Variants in AGBL4 observed in about 807,000 individuals in gnomAD.
AGBL4 encodes the protein cytosolic carboxypeptidase 6.
A neutral mutation model predicts 66.4 loss-of-function variants in AGBL4; 58 were observed. That is an observed-to-expected ratio of 0.87 (90% CI 0.71 to 1.09). The LOEUF (loss-of-function observed/expected upper bound fraction) is 1.09. Ranked by LOEUF, AGBL4 falls within the 50% of genes least tolerant of loss-of-function variation. The pLI is 0.00. For missense variants in AGBL4, 579 were observed against 631.0 expected (o/e 0.92, Z 0.88); for synonymous variants, 234 against 222.9 (o/e 1.05, Z -0.44).
intron 9 of AGBL4, among the ~76,000 whole-genome samples, chr1:48,623,788 C>T (rs569276425): frequency 1.4e-4 from 21 of 152,136 alleles, no homozygotes; most frequent in East Asian, 5.8e-4. Context: ...CCTGCTCAGA[C>T]GGGGGCATGG....
chr1:48,739,870 C>G (rs560650765), intron 6 of AGBL4, among the ~76,000 whole-genome samples: 3 of 152,318 alleles, frequency 2.0e-5, no homozygotes, highest in Non-Finnish European at 4.4e-5. Context: ...AGGAAACACT[C>G]CTTAATTACT....
At chr1:48,917,627 T>G (rs551050945) in intron 5 of AGBL4, among the ~76,000 whole-genome samples, 147 of 152,208 alleles carry the variant, frequency 9.7e-4, no homozygotes, top group Non-Finnish European at 1.4e-3. Context: ...CTTAAGTGCC[T>G]CAAACTGACA....
intron 4 of AGBL4, among the ~76,000 whole-genome samples, chr1:49,083,325 T>C (rs940919862): frequency 6.6e-6 from 1 of 152,242 alleles, no homozygotes; most frequent in African/African-American, 2.4e-5. Flanking sequence ...ATGAGGGTCC[T>C]GCCCCTGCAG....
chr1:48,603,830 G>A (rs556597929), intron 9 of AGBL4, among the ~76,000 whole-genome samples: 2 of 152,272 alleles, frequency 1.3e-5, no homozygotes, highest in South Asian at 2.1e-4. Context: ...CTAGGACTGA[G>A]CGCGGTAGCT....
At chr1:48,810,386 A>C (rs1170286664) in intron 6 of AGBL4, among the ~76,000 whole-genome samples, 1 of 152,328 alleles carries the variant, frequency 6.6e-6, no homozygotes, top group East Asian at 1.9e-4. Flanking sequence ...TGCCTGATTG[A>C]TGTGGATAAG....
chr1:49,922,507 T>C (rs2148243361), intron 1 of AGBL4, among the ~76,000 whole-genome samples: 1 of 152,244 alleles, frequency 6.6e-6, no homozygotes, highest in Middle Eastern at 3.4e-3. Flanking sequence ...AGAGAGGAAG[T>C]CAAAGTATCC....
At chr1:48,837,565 T>A (rs1376647178) in intron 6 of AGBL4, among the ~76,000 whole-genome samples, 1 of 151,434 alleles carries the variant, frequency 6.6e-6, no homozygotes, top group Non-Finnish European at 1.5e-5. Flanking sequence ...GAACTCCAAG[T>A]TCTTCAGCTT....
At chr1:48,579,927 A>G (rs1644713841) in intron 11 of AGBL4, among the ~76,000 whole-genome samples, 1 of 151,670 alleles carries the variant, frequency 6.6e-6, no homozygotes, top group Non-Finnish European at 1.5e-5. Flanking sequence ...AAAAAAAAAA[A>G]AAAAAAAAAA....
chr1:49,217,097 T>C (rs1649154577), intron 4 of AGBL4, among the ~76,000 whole-genome samples: 3 of 151,992 alleles, frequency 2.0e-5, no homozygotes. Context: ...GACAAGAACC[T>C]TCAATTTCTC....
At chr1:49,197,974 G>A (rs1362473897) in intron 4 of AGBL4, among the ~76,000 whole-genome samples, 1 of 152,136 alleles carries the variant, frequency 6.6e-6, no homozygotes, top group Admixed American at 6.5e-5. Context: ...AGCTTGTTAT[G>A]AGCTGAGATT....
intron 7 of AGBL4, among the ~76,000 whole-genome samples, chr1:48,654,092 C>G (rs187823618): frequency 6.6e-6 from 1 of 152,174 alleles, no homozygotes; most frequent in African/African-American, 2.4e-5. Context: ...AATCACCCTG[C>G]CTTCCGGTCA....
intron 5 of AGBL4, among the ~76,000 whole-genome samples, chr1:48,978,124 T>C (rs1385094988): frequency 2.6e-5 from 4 of 151,992 alleles, no homozygotes; most frequent in East Asian, 1.9e-4. Flanking sequence ...TTGCATCTTA[T>C]AAGGTGAAAA....
intron 3 of AGBL4, among the ~76,000 whole-genome samples, chr1:49,676,616 C>T (rs2124545215): frequency 6.6e-6 from 1 of 152,096 alleles, no homozygotes; most frequent in East Asian, 1.9e-4. Context: ...TAACTGACTA[C>T]CATTAAGAAT....
chr1:49,965,939 A>ATTTT (rs1166636337), intron 1 of AGBL4, among the ~76,000 whole-genome samples: 3 of 136,528 alleles, frequency 2.2e-5, no homozygotes, highest in South Asian at 2.3e-4. Context: ...TATTACAATG[A>ATTTT]TTTTTTTTTT....
At chr1:49,797,043 G>A (rs1460778115) in intron 2 of AGBL4, among the ~76,000 whole-genome samples, 1 of 152,080 alleles carries the variant, frequency 6.6e-6, no homozygotes, top group Non-Finnish European at 1.5e-5. Context: ...TAAGAAATAG[G>A]AGGATTATAT....
At chr1:48,968,937 A>G (rs1658673281) in intron 5 of AGBL4, among the ~76,000 whole-genome samples, 1 of 152,208 alleles carries the variant, frequency 6.6e-6, no homozygotes, top group Non-Finnish European at 1.5e-5. Context: ...TGTTTGGACT[A>G]GAAATCCAAA....
intron 9 of AGBL4, among the ~76,000 whole-genome samples, chr1:48,591,691 T>C (rs1222439252): frequency 6.6e-6 from 1 of 152,232 alleles, no homozygotes; most frequent in Admixed American, 6.5e-5. Flanking sequence ...AGTTAACTCT[T>C]TGAGTTAGCC....
At chr1:48,613,083 G>A (rs1483218425) in intron 9 of AGBL4, among the ~76,000 whole-genome samples, 1 of 152,010 alleles carries the variant, frequency 6.6e-6, no homozygotes, top group Non-Finnish European at 1.5e-5. Context: ...GCAGTGAACC[G>A]AGATTGCACC....
intron 1 of AGBL4, among the ~76,000 whole-genome samples, chr1:49,959,562 TAATA>T (rs951224385): frequency 9.9e-5 from 15 of 151,996 alleles, no homozygotes; most frequent in Admixed American, 5.9e-4. Flanking sequence ...TTGGACGAAT[TAATA>T]AATAAATGAG....
Sources: gnomAD v4.1 joint callset for allele counts (sites outside exome capture counted in the v4.1 genomes callset) on GRCh38, gnomAD v4.1.1 for gene constraint, MANE v1.5 for transcripts, NCBI Gene and HGNC (gene_info 2026-07-23, HGNC 2026-07-21) for gene names.